The following SEC14L1 variants were observed in gnomAD, a reference collection of about 807,000 sequenced individuals.
The protein encoded by SEC14L1 is SEC14 like lipid binding 1, also known as SEC14-like protein 1.
SEC14L1 carries 48 observed loss-of-function variants against 85.3 expected under a neutral mutation model. The ratio of observed to expected loss-of-function variants is 0.56; its 90% confidence interval spans 0.45 to 0.72. SEC14L1 has a LOEUF of 0.72. Among genes scored for constraint, SEC14L1 ranks in the 30% least tolerant of loss-of-function variants. SEC14L1 has a pLI of 0.00. For missense variants in SEC14L1, 682 were observed against 921.4 expected (o/e 0.74, Z 3.36); for synonymous variants, 391 against 355.5 (o/e 1.10, Z -1.12).
chr17:77,176,523 AC>A (rs1201413891), intron 3 of SEC14L1, among the ~76,000 whole-genome samples: 1 of 152,220 alleles, frequency 6.6e-6, no homozygotes, highest in Non-Finnish European at 1.5e-5. Flanking sequence ...AAATTGATGA[AC>A]TAATATTGAC....
At chr17:77,135,569 G>C in intron 3 of SEC14L1, among the ~76,000 whole-genome samples, 1 of 151,784 alleles carries the variant, frequency 6.6e-6, no homozygotes, top group South Asian at 2.1e-4. Context: ...CTGTCTCTCA[G>C]GCTATCTCTC....
intron 3 of SEC14L1, among the ~76,000 whole-genome samples, chr17:77,123,412 C>CTTTT (rs1303141583): frequency 1.4e-4 from 3 of 21,102 alleles, no homozygotes; most frequent in Non-Finnish European, 2.5e-4. Flanking sequence ...CCCAGGCCCA[C>CTTTT]TCTTTTTTTT....
At chr17:77,185,592 T>C (rs1468289149) in intron 3 of SEC14L1, among the ~76,000 whole-genome samples, 1 of 152,256 alleles carries the variant, frequency 6.6e-6, no homozygotes, top group African/African-American at 2.4e-5. Flanking sequence ...AAGTGCTTAC[T>C]CTGCCCTATA....
chr17:77,122,616 C>G (rs2143407717), intron 3 of SEC14L1, among the ~76,000 whole-genome samples: 1 of 152,326 alleles, frequency 6.6e-6, no homozygotes, highest in Admixed American at 6.5e-5. Context: ...CTATTTTCTT[C>G]CTTTGGCATT....
In SEC14L1 at chr17:77,216,069, CTAGTAGGTAGGGT is replaced by C. The variant is rs1977044645; in HGVS notation, c.*2059_*2071del. 2 of 898,034 alleles carry C rather than the reference CTAGTAGGTAGGGT, an allele frequency of 2.2e-6. No homozygotes were observed. The highest frequency in any genetic ancestry group is 3.7e-5 in the African/African-American group (1 of 27,390). The allele number at this position is 898,034 out of a possible 1,614,324, so 55.6% of individuals were successfully genotyped here. ...TAGTAGGTAGGGCTAGTAGGTAGGG[CTAGTAGGTAGGGT>C]TAGTAGGTAGGGCTAGTAGGTAGGG... On this transcript the variant is annotated 3_prime_UTR_variant, in exon 17 of 17. Transcript: ENST00000436233.
At chr17:77,091,433 T>C (rs1971514412) in intron 2 of SEC14L1, among the ~76,000 whole-genome samples, 1 of 152,120 alleles carries the variant, frequency 6.6e-6, no homozygotes, top group African/African-American at 2.4e-5. Context: ...AAATCTGTAA[T>C]TGCAAAAGAG....
Position 77,114,752 on chromosome 17 carries a change from T to C in SEC14L1, c.-136+21405T>C, listed in dbSNP as rs531199125. On this transcript the variant is annotated intron_variant, in intron 3 of 19. Coordinates refer to the SEC14L1 transcript ENST00000392476. ...TGGGAGGCTGAGGCAGGAGAATTGC[T>C]TGAACCCAGGAGGTGGAGGTTGCAG... Among the ~76,000 whole-genome samples the C allele has an allele frequency of 8.1e-5, 12 of 148,602 alleles. No homozygotes were observed. In the East Asian group the frequency reaches 2.0e-3, roughly 25 times the overall value.
Position 77,206,334 on chromosome 17 carries a change from C to T in SEC14L1, c.1275C>T (p.Tyr425=). Residue 425 remains tyrosine, a synonymous_variant, in exon 12 of 17, where the codon TAC becomes TAT. Coordinates refer to ENST00000436233, the MANE Select transcript of SEC14L1 (RefSeq NM_001143998.2). The surrounding 1 kb of genome is among the most constrained non-coding windows in gnomAD (Gnocchi z 4.3). ...TCATCGAGGTGGTGGAGGCCAACTACCCTGAGACACTGGGCCGCCTTCTCA... is the reference window on the plus strand; with the variant it reads ...TCATCGAGGTGGTGGAGGCCAACTATCCTGAGACACTGGGCCGCCTTCTCA... The part of the protein sequence containing the change: ...LRIIEVVEAN[Y]PETLGRLLIL... The T allele has an allele frequency of 1.9e-6, 3 of 1,614,082 alleles. No individual in the cohort carries two copies. Among genetic ancestry groups the T allele is most frequent in the Non-Finnish European group, 2.5e-6 (3 of 1,180,004 alleles).
intron 3 of SEC14L1, among the ~76,000 whole-genome samples, chr17:77,130,669 A>C (rs1972585909): frequency 6.6e-6 from 1 of 150,884 alleles, no homozygotes; most frequent in Admixed American, 6.6e-5. Context: ...ACCCAGGCTG[A>C]AGTACAGTAG....
At chr17:77,099,835 C>G (rs1217883559) in intron 3 of SEC14L1, among the ~76,000 whole-genome samples, 1 of 152,006 alleles carries the variant, frequency 6.6e-6, no homozygotes, top group African/African-American at 2.4e-5. Context: ...TTCACCCCTT[C>G]GAAAGTTAAC....
chr17:77,100,218 C>T (rs1464621580), intron 3 of SEC14L1, among the ~76,000 whole-genome samples: 1 of 152,186 alleles, frequency 6.6e-6, no homozygotes, highest in African/African-American at 2.4e-5. Context: ...TGTGGACTGA[C>T]TTCTGCCTAT....
rs770192180 is a variant in SEC14L1, at chr17:77,194,692, G to A, written c.490G>A (p.Glu164Lys). ...TGTTTTAAAGGGAAAGGAAATCATC[G>A]AATACTACCTTCGCCAATTAGAAGA... is the stretch of plus-strand genomic sequence containing the variant. ...SNIKKGKEII[E>K]YYLRQLEEEG... The change falls in exon 7 of 17, where the codon GAA (glutamate) becomes AAA (lysine). Residue 164 changes from glutamate to lysine, a missense_variant. Physicochemically the swap from Glu to Lys is moderately conservative, Grantham distance 56 (BLOSUM62 1). Coordinates refer to ENST00000436233, the MANE Select transcript of SEC14L1 (RefSeq NM_001143998.2). 2 of 1,613,904 alleles carry A rather than the reference G, an allele frequency of 1.2e-6. No homozygotes were observed. Among genetic ancestry groups the A allele is most frequent in the Non-Finnish European group, 1.7e-6 (2 of 1,179,810 alleles).
At chr17:77,203,772 T>A in intron 10 of SEC14L1, 114 bp downstream of exon 10, 1 of 724,516 alleles carries the variant, frequency 1.4e-6, no homozygotes, top group Non-Finnish European at 2.3e-6. Flanking sequence ...GCTTATGTAG[T>A]TAGGACTGAA....
intron 3 of SEC14L1, among the ~76,000 whole-genome samples, chr17:77,167,639 G>A (rs193292979): frequency 6.6e-6 from 1 of 152,284 alleles, no homozygotes; most frequent in Admixed American, 6.5e-5. Flanking sequence ...CATCTTGTGT[G>A]ATACTGATGC....
chr17:77,215,918 A>AGTAGGTAGGGTTC lies in SEC14L1; in HGVS notation c.*1921_*1933dup, dbSNP rs1311745911. 4.2e-6 allele frequency: 4 copies of AGTAGGTAGGGTTC among 958,086 alleles called. No homozygotes were observed. The highest frequency in any genetic ancestry group is 3.7e-6 in the Non-Finnish European group (3 of 821,302). The allele number at this position is 958,086 out of a possible 1,614,324, so 59.3% of individuals were successfully genotyped here. A position where few individuals can be genotyped will look rare whatever the true frequency, so the allele number is the denominator to read the frequency against. ...GTAGGTAGGGCTAGTAGGTAGGGTT[A>AGTAGGTAGGGTTC]GTAGGTAGGGTTCGTAGGTAGGGTT... On this transcript the variant is annotated 3_prime_UTR_variant, in exon 17 of 17. Coordinates refer to ENST00000436233, the MANE Select transcript of SEC14L1 (RefSeq NM_001143998.2).
chr17:77,146,738 G>A lies in SEC14L1; in HGVS notation c.63+3079G>A, dbSNP rs148388215. ...AACACACAGACGCACACACACGCACGTATATTCTTCCACCCTGTAGTATAA... is the reference window on the plus strand; with the variant it reads ...AACACACAGACGCACACACACGCACATATATTCTTCCACCCTGTAGTATAA... On this transcript the variant is annotated intron_variant, in intron 3 of 16. Coordinates refer to ENST00000436233, the MANE Select transcript of SEC14L1 (RefSeq NM_001143998.2). 2.3e-4 allele frequency among the ~76,000 whole-genome samples: 35 copies of A among 151,816 alleles called. No individual in the cohort carries two copies. The East Asian group carries it at 5.4e-3, about 23-fold the overall frequency.
intron 3 of SEC14L1, among the ~76,000 whole-genome samples, chr17:77,100,426 C>T (rs1242685466): frequency 1.3e-4 from 7 of 54,798 alleles, no homozygotes; most frequent in Admixed American, 5.8e-4. Flanking sequence ...CTCTCTCTCT[C>T]TCTTTTTTTT....
chr17:77,169,383 C>G (rs1313482557), intron 3 of SEC14L1, among the ~76,000 whole-genome samples: 1 of 152,160 alleles, frequency 6.6e-6, no homozygotes, highest in Admixed American at 6.5e-5. Flanking sequence ...CTTGCATGCT[C>G]TCTCCCAGGC....
At chr17:77,147,049 A>C (rs1253074184) in intron 3 of SEC14L1, among the ~76,000 whole-genome samples, 2 of 152,218 alleles carry the variant, frequency 1.3e-5, no homozygotes, top group Non-Finnish European at 2.9e-5. Context: ...ACTTGTGAGC[A>C]CGTCAGAAAG....
Sources: allele counts gnomAD v4.1 joint callset (sites outside exome capture counted in the v4.1 genomes callset), GRCh38; gene constraint gnomAD v4.1.1; non-coding constraint Gnocchi (gnomAD v3.1); transcripts MANE v1.5; gene names NCBI Gene and HGNC (gene_info 2026-07-23, HGNC 2026-07-21).